The following CLNK variants were observed in gnomAD, a reference collection of about 807,000 sequenced individuals.
The protein encoded by CLNK is cytokine dependent hematopoietic cell linker, also known as cytokine-dependent hematopoietic cell linker.
A neutral mutation model predicts 68.6 loss-of-function variants in CLNK; 74 were observed. The observed-to-expected ratio is 1.08, with a 90% CI of 0.89 to 1.31. The LOEUF (loss-of-function observed/expected upper bound fraction) is 1.31, where lower values mean the gene tolerates loss of function less well. Ranked by LOEUF, CLNK falls within the 50% of genes most tolerant of loss-of-function variation. The pLI, the probability that CLNK is intolerant of heterozygous loss-of-function variation, is 0.00. For missense variants in CLNK, 553 were observed against 515.3 expected (o/e 1.07, Z -0.71); for synonymous variants, 198 against 172.2 (o/e 1.15, Z -1.17).
chr4:10,546,228 A>G (rs1019729850), intron 8 of CLNK, among the ~76,000 whole-genome samples: 4 of 151,464 alleles, frequency 2.6e-5, no homozygotes, highest in Non-Finnish European at 4.4e-5. Flanking sequence ...AAATTTATCC[A>G]CTCTACTTCT....
At chr4:10,663,259 G>T (rs951681000) in intron 2 of CLNK, among the ~76,000 whole-genome samples, 2 of 152,200 alleles carry the variant, frequency 1.3e-5, no homozygotes, top group Admixed American at 1.3e-4. Context: ...TTAATGGATT[G>T]CTAGGGAAGC....
chr4:10,691,266 A>C, the CLNK span, among the ~76,000 whole-genome samples: 1 of 152,154 alleles, frequency 6.6e-6, no homozygotes, highest in Non-Finnish European at 1.5e-5. Context: ...ATAAATTACA[A>C]ACTCCTTGAG....
At chr4:10,541,917 C>T in intron 10 of CLNK, 105 bp downstream of exon 10, 1 of 842,940 alleles carries the variant, frequency 1.2e-6, no homozygotes, top group Non-Finnish European at 1.9e-6. Context: ...ACTCTGAAAT[C>T]ATATTAGATT....
intron 2 of CLNK, among the ~76,000 whole-genome samples, chr4:10,657,553 T>C (rs1042845214): frequency 6.6e-6 from 1 of 152,238 alleles, no homozygotes; most frequent in Non-Finnish European, 1.5e-5. Context: ...TTCTTCATCA[T>C]AAAACTCCTC....
the CLNK span, among the ~76,000 whole-genome samples, chr4:10,724,684 G>T: frequency 2.0e-5 from 3 of 152,140 alleles, no homozygotes; most frequent in South Asian, 2.1e-4. Context: ...ATGAATGAAT[G>T]AATTTATTTT....
chr4:10,580,031 G>T (rs1720718326), intron 4 of CLNK, among the ~76,000 whole-genome samples: 1 of 152,114 alleles, frequency 6.6e-6, no homozygotes, highest in African/African-American at 2.4e-5. Flanking sequence ...TGGGGGAGCT[G>T]TTTTCTTCTT....
intron 4 of CLNK, among the ~76,000 whole-genome samples, chr4:10,573,111 G>C (rs986457362): frequency 2.0e-5 from 3 of 152,172 alleles, no homozygotes; most frequent in African/African-American, 7.2e-5. Flanking sequence ...TTGCAGGTAT[G>C]AGCCATGGCA....
At chr4:10,512,923 A>T (rs1717655283) in intron 16 of CLNK, among the ~76,000 whole-genome samples, 1 of 152,148 alleles carries the variant, frequency 6.6e-6, no homozygotes, top group South Asian at 2.1e-4. Flanking sequence ...GAAAGAGACC[A>T]CAAAATAGAT....
chr4:10,488,523 G>C lies in CLNK; in HGVS notation c.*1944C>G, dbSNP rs577888598. The C allele has an allele frequency of 1.3e-5, 2 of 152,214 alleles. No homozygotes were observed. The highest frequency in any genetic ancestry group is 2.9e-5 in the Non-Finnish European group (2 of 68,070). 9.4% of individuals were successfully genotyped at this position (152,214 alleles called of 1,614,324 possible). The stretch of plus-strand genomic sequence containing the variant: ...AACCATACAGCTTTTAGCTTTGACC[G>C]GACCAGTGAGTTCTTTCGTATCCAA... On this transcript the variant is annotated 3_prime_UTR_variant, in exon 19 of 19. Coordinates refer to ENST00000226951, the MANE Select transcript of CLNK (RefSeq NM_052964.4).
At chr4:10,683,379 G>A (rs992920393) in intron 1 of CLNK, among the ~76,000 whole-genome samples, 1 of 152,176 alleles carries the variant, frequency 6.6e-6, no homozygotes, top group African/African-American at 2.4e-5. Flanking sequence ...GGCTTGTTGG[G>A]AATAACAAAG....
At chr4:10,639,083 TA>T (rs1418640390) in intron 2 of CLNK, among the ~76,000 whole-genome samples, 1 of 152,204 alleles carries the variant, frequency 6.6e-6, no homozygotes, top group Non-Finnish European at 1.5e-5. Context: ...AGACATCTTT[TA>T]AGACCCCAAA....
At chr4:10,616,914 A>C (rs1722259020) in intron 2 of CLNK, among the ~76,000 whole-genome samples, 1 of 151,596 alleles carries the variant, frequency 6.6e-6, no homozygotes, top group African/African-American at 2.4e-5. Context: ...ATTGCCATTT[A>C]TAATGTCTGT....
At chr4:10,679,559 A>G (rs1374538126) in intron 1 of CLNK, among the ~76,000 whole-genome samples, 1 of 152,216 alleles carries the variant, frequency 6.6e-6, no homozygotes, top group African/African-American at 2.4e-5. Flanking sequence ...AAAAGAAACT[A>G]CCATCAGAGT....
chr4:10,661,968 C>T (rs1272486658), intron 2 of CLNK, among the ~76,000 whole-genome samples: 1 of 152,178 alleles, frequency 6.6e-6, no homozygotes, highest in Non-Finnish European at 1.5e-5. Flanking sequence ...ATATCTATCT[C>T]TATTTTATTG....
At chr4:10,725,469 A>T in the CLNK span, among the ~76,000 whole-genome samples, 5 of 151,972 alleles carry the variant, frequency 3.3e-5, no homozygotes, top group African/African-American at 1.2e-4. Flanking sequence ...ATCTGCAAGG[A>T]CGCCCGTGCA....
intron 17 of CLNK, among the ~76,000 whole-genome samples, chr4:10,503,730 G>A (rs901123546): frequency 6.9e-6 from 1 of 145,064 alleles, no homozygotes; most frequent in African/African-American, 2.5e-5. Flanking sequence ...AAGGTGCATT[G>A]AGATTTGCCA....
At chr4:10,520,272 C>G (rs919013209) in intron 15 of CLNK, among the ~76,000 whole-genome samples, 1 of 152,212 alleles carries the variant, frequency 6.6e-6, no homozygotes, top group Non-Finnish European at 1.5e-5. Context: ...ACTTTACAAA[C>G]AGTTACTAAG....
chr4:10,612,796 C>G (rs1474669390), intron 2 of CLNK, among the ~76,000 whole-genome samples: 1 of 152,152 alleles, frequency 6.6e-6, no homozygotes, highest in Non-Finnish European at 1.5e-5. Context: ...GGGTTGGAGT[C>G]AATCATTATA....
intron 2 of CLNK, chr4:10,598,783 GCT>G (rs1301658771): frequency 8.5e-6 from 3 of 352,954 alleles, no homozygotes; most frequent in Non-Finnish European, 1.7e-5. Flanking sequence ...CATTTCATTA[GCT>G]CTATCAAACA....
Sources: gnomAD v4.1 joint callset for allele counts (sites outside exome capture counted in the v4.1 genomes callset) on GRCh38, gnomAD v4.1.1 for gene constraint, MANE v1.5 for transcripts, NCBI Gene and HGNC (gene_info 2026-07-23, HGNC 2026-07-21) for gene names.